Variants in CRY1 observed in about 807,000 individuals in gnomAD.
CRY1 encodes the protein cryptochrome circadian regulator 1, also known as cryptochrome-1.
In CRY1, 45 loss-of-function variants were observed where a neutral mutation model predicts 76.0. That is an observed-to-expected ratio of 0.59 (90% CI 0.47 to 0.76). The LOEUF is 0.76. Among genes scored for constraint, CRY1 ranks in the 30% least tolerant of loss-of-function variants. The pLI, the probability that CRY1 is intolerant of heterozygous loss-of-function variation, is 0.00. For synonymous variants in CRY1, 248 were observed against 244.0 expected (o/e 1.02, Z -0.15); for missense variants, 587 against 716.4 (o/e 0.82, Z 2.06).
intron 1 of CRY1, among the ~76,000 whole-genome samples, chr12:107,060,929 C>T (rs12299998): frequency 1.3e-5 from 2 of 152,018 alleles, no homozygotes; most frequent in Non-Finnish European, 2.9e-5. Flanking sequence ...GAGCTGAGAT[C>T]GCGCCACTGC....
chr12:107,016,531 T>C (rs1389200579), intron 2 of CRY1, among the ~76,000 whole-genome samples: 2 of 152,212 alleles, frequency 1.3e-5, no homozygotes, highest in African/African-American at 4.8e-5. Context: ...AATGTAAAGC[T>C]ACCTCACAAA....
chr12:107,032,660 T>C (rs970242688), intron 1 of CRY1, among the ~76,000 whole-genome samples: 9 of 152,094 alleles, frequency 5.9e-5, no homozygotes, highest in Non-Finnish European at 1.2e-4. Context: ...CCTGATTAAA[T>C]TAGTTGGGCA....
chr12:107,041,917 G>A (rs533757114), intron 1 of CRY1, among the ~76,000 whole-genome samples: 1 of 152,294 alleles, frequency 6.6e-6, no homozygotes, highest in East Asian at 1.9e-4. Flanking sequence ...AGCAGTTGCT[G>A]ATTCCGGGGC....
At chr12:107,090,526 T>C (rs980338346) in intron 1 of CRY1, among the ~76,000 whole-genome samples, 2 of 152,216 alleles carry the variant, frequency 1.3e-5, no homozygotes, top group African/African-American at 4.8e-5. Flanking sequence ...GTTCAGCCCT[T>C]GCACCATTTG....
chr12:107,014,956 C>T (rs1219449730), intron 2 of CRY1, among the ~76,000 whole-genome samples: 1 of 152,162 alleles, frequency 6.6e-6, no homozygotes, highest in Non-Finnish European at 1.5e-5. Flanking sequence ...CAGCTCACTG[C>T]AACCTCCGCC....
intron 1 of CRY1, among the ~76,000 whole-genome samples, chr12:107,074,883 C>T (rs528810510): frequency 6.6e-5 from 10 of 152,214 alleles, no homozygotes; most frequent in South Asian, 2.1e-4. Context: ...GGTGTGATGG[C>T]GCATGCCTAT....
At chr12:107,002,529 C>T (rs1952323692) in intron 3 of CRY1, among the ~76,000 whole-genome samples, 1 of 152,076 alleles carries the variant, frequency 6.6e-6, no homozygotes, top group South Asian at 2.1e-4. Flanking sequence ...ATGTGTGTGA[C>T]AAAAGCAGCT....
intron 1 of CRY1, among the ~76,000 whole-genome samples, chr12:107,069,574 GTA>G (rs1220228903): frequency 9.2e-6 from 1 of 108,176 alleles, no homozygotes; most frequent in African/African-American, 4.8e-5. Context: ...TATATATAAA[GTA>G]TATATATAAA....
intron 1 of CRY1, among the ~76,000 whole-genome samples, chr12:107,037,701 A>T (rs879699183): frequency 1.9e-4 from 21 of 111,846 alleles, no homozygotes; most frequent in Admixed American, 2.7e-4. Context: ...AAATTATTTT[A>T]TTTATTTATT....
chr12:107,010,856 C>T (rs572996487), intron 2 of CRY1, among the ~76,000 whole-genome samples: 1 of 152,220 alleles, frequency 6.6e-6, no homozygotes, highest in Admixed American at 6.5e-5. Context: ...TCTGCCCTAC[C>T]CAGCCTTTCC....
intron 1 of CRY1, among the ~76,000 whole-genome samples, chr12:107,061,781 A>G (rs768610015): frequency 2.2e-4 from 33 of 152,162 alleles, no homozygotes; most frequent in Non-Finnish European, 4.0e-4. Context: ...ATCCACTAGC[A>G]TATCATTAAT....
chr12:107,036,310 C>A (rs1333103049), intron 1 of CRY1, among the ~76,000 whole-genome samples: 1 of 152,192 alleles, frequency 6.6e-6, no homozygotes, highest in Non-Finnish European at 1.5e-5. Context: ...CTTTCATAGT[C>A]CACATCTAAA....
At chr12:107,054,273 T>G (rs1187167967) in intron 1 of CRY1, among the ~76,000 whole-genome samples, 1 of 152,052 alleles carries the variant, frequency 6.6e-6, no homozygotes, top group Non-Finnish European at 1.5e-5. Context: ...ATAGACAAAA[T>G]TATTGATTAA....
At chr12:107,016,983 T>C (rs1273656742) in intron 2 of CRY1, among the ~76,000 whole-genome samples, 1 of 152,210 alleles carries the variant, frequency 6.6e-6, no homozygotes, top group Non-Finnish European at 1.5e-5. Flanking sequence ...GTCATCATCA[T>C]CTTATTCCTA....
chr12:107,020,698 A>G (rs568463646), intron 2 of CRY1, among the ~76,000 whole-genome samples: 1 of 152,256 alleles, frequency 6.6e-6, no homozygotes, highest in East Asian at 1.9e-4. Context: ...TACAGCCTGC[A>G]GAACTGTGAG....
intron 1 of CRY1, among the ~76,000 whole-genome samples, chr12:107,033,802 CCTTT>C (rs993975910): frequency 1.3e-5 from 2 of 150,214 alleles, no homozygotes; most frequent in African/African-American, 2.5e-5. Context: ...GAAAGCACTT[CCTTT>C]AAGATCGGAA....
chr12:107,012,590 T>C (rs1218807595), intron 2 of CRY1, among the ~76,000 whole-genome samples: 2 of 152,338 alleles, frequency 1.3e-5, no homozygotes, highest in African/African-American at 4.8e-5. Flanking sequence ...CTGCAGCCCA[T>C]GGATCAAGGA....
At position 107,060,081 on chromosome 12, in the gene CRY1, C is replaced by T. The variant is rs564826761; in HGVS notation, c.158+32723G>A. 7.9e-5 allele frequency among the ~76,000 whole-genome samples: 12 copies of T among 152,178 alleles called. No individual in the cohort carries two copies. In the East Asian group the frequency reaches 1.5e-3, roughly 20 times the overall value. On this transcript the variant is annotated intron_variant, in intron 1 of 12. Coordinates refer to ENST00000008527, the MANE Select transcript of CRY1 (RefSeq NM_004075.5). Reference sequence around the variant, plus strand: ...AAGAACAAAATATTGATATTATATGCGTTGATATTAATATACATTTTACTG... The same window carrying T: ...AAGAACAAAATATTGATATTATATGTGTTGATATTAATATACATTTTACTG...
intron 1 of CRY1, among the ~76,000 whole-genome samples, chr12:107,053,964 G>C (rs4081669): frequency 0.044 from 6,658 of 152,218 alleles, 279 homozygotes; most frequent in African/African-American, 0.11. Flanking sequence ...AACAAGGCCA[G>C]TATCTTCAAA....
Sources: allele counts gnomAD v4.1 joint callset (sites outside exome capture counted in the v4.1 genomes callset), GRCh38; gene constraint gnomAD v4.1.1; transcripts MANE v1.5; gene names NCBI Gene and HGNC (gene_info 2026-07-23, HGNC 2026-07-21).